UBXN1: variants seen among roughly 807,000 people sequenced by gnomAD.
The protein encoded by UBXN1 is UBX domain-containing protein 1.
A neutral mutation model predicts 42.0 loss-of-function variants in UBXN1; 21 were observed. The ratio of observed to expected loss-of-function variants is 0.50; its 90% CI spans 0.35 to 0.72. UBXN1 has a LOEUF of 0.72. UBXN1 is among the 30% of genes least tolerant of loss of function. The probability of loss-of-function intolerance (pLI) is 0.00; values close to 1 mark genes in which losing one functional copy is unlikely to be tolerated. For missense variants in UBXN1, 374 were observed against 382.2 expected, an observed-to-expected ratio of 0.98 and a Z score of 0.18; for synonymous variants, 172 against 142.6, an observed-to-expected ratio of 1.21 and a Z score of -1.47.
In UBXN1 at chr11:62,677,227, C is replaced by T. The variant is rs187182066; in HGVS notation, c.652-222G>A. The T allele has an allele frequency of 8.9e-4, 554 of 624,568 alleles. 4 individuals carry two copies. In the African/African-American group the frequency reaches 9.4e-3, roughly 11 times the overall value. 38.7% of individuals were successfully genotyped at this position (624,568 alleles called of 1,614,324 possible). On this transcript the variant is annotated intron_variant, in intron 7 of 8. Transcript: ENST00000301935. Reference sequence around the variant, plus strand: ...TAAGAAAGACAAGGATAAGATTATACAAAAGAATCTGGATAAATACCACAT... The same window carrying T: ...TAAGAAAGACAAGGATAAGATTATATAAAAGAATCTGGATAAATACCACAT...
chr11:62,678,068 T>A lies in UBXN1; in HGVS notation c.341A>T (p.Glu114Val). 1 of 1,614,114 alleles carries A rather than the reference T, an allele frequency of 6.2e-7. No individual in the cohort carries two copies. Among genetic ancestry groups the A allele is most frequent in the Non-Finnish European group, 8.5e-7 (1 of 1,180,018 alleles). ...CCGTTCCCGTTCCAATGCCTCCCGT[T>A]CCTCTCTTTCTTCACGCTCCCGCTG... ...QKQREREERE[E>V]REALERERQR... Residue 114 changes from glutamate to valine, a missense_variant, in exon 5 of 9, where the codon GAA (glutamate) becomes GTA (valine). Coordinates refer to ENST00000301935, the MANE Select transcript of UBXN1 (RefSeq NM_001286077.2).
At position 62,676,958 on chromosome 11, in the gene UBXN1, C is replaced by G. The variant is rs145809989; in HGVS notation, c.699G>C (p.Arg233=). The G allele has an allele frequency of 2.9e-4, 467 of 1,612,484 alleles. No individual in the cohort carries two copies. The highest frequency in any genetic ancestry group is 3.6e-4 in the Non-Finnish European group (430 of 1,180,020). Residue 233 remains arginine (R), a synonymous_variant, in exon 8 of 9, where the codon CGG becomes CGC. Transcript: ENST00000301935. ...AGAGCCTCACAGCTGCCAGCTGTTC[C>G]CGGGCCCGGAACGTCTGGGTCAGTG... ...GTSLTQTFRA[R]EQLAAVRLYV... is the part of the protein sequence containing the mutation.
Position 62,678,727 on chromosome 11 carries a change from G to C in UBXN1, c.76C>G (p.Leu26Val), listed in dbSNP as rs745377429. 1.2e-6 allele frequency: 2 copies of C among 1,613,180 alleles called. No individual in the cohort carries two copies. Among genetic ancestry groups the C allele is most frequent in the East Asian group, 4.5e-5 (2 of 44,866 alleles). Residue 26 changes from leucine (L) to valine (V), a missense_variant, in exon 2 of 9, where the codon CTC becomes GTC. Leu to Val is a conservative substitution (Grantham distance 32). Transcript: ENST00000301935. ...GCCTCGATGCCCTGGTTCCCTGTGAGGGCCAGAGCCTTCTCCCTGGGGGCA... is the reference window on the plus strand; with the variant it reads ...GCCTCGATGCCCTGGTTCCCTGTGACGGCCAGAGCCTTCTCCCTGGGGGCA... ...PRGRAEKALALTGNQGIEAAM... is the reference protein window; with the variant it reads ...PRGRAEKALAVTGNQGIEAAM...
At chr11:62,678,837 G>A (rs772196705) in intron 1 of UBXN1, 28 bp downstream of exon 1, 13 of 1,608,012 alleles carry the variant, frequency 8.1e-6, no homozygotes, top group Non-Finnish European at 1.1e-5. Flanking sequence ...CCCCACACCC[G>A]CAGGCCGGGG....
chr11:62,678,237 C>G, intron 4 of UBXN1, 102 bp downstream of exon 4: 1 of 1,604,270 alleles, frequency 6.2e-7, no homozygotes, highest in Non-Finnish European at 8.5e-7. Context: ...AAGAAAATGC[C>G]AAGAAAGAGG....
At position 62,676,949 on chromosome 11, in the gene UBXN1, C is replaced by T. The variant is rs1429884693; in HGVS notation, c.708G>A (p.Leu236=). Reference sequence around the variant, plus strand: ...GCTCCACATAGAGCCTCACAGCTGCCAGCTGTTCCCGGGCCCGGAACGTCT... The same window carrying T: ...GCTCCACATAGAGCCTCACAGCTGCTAGCTGTTCCCGGGCCCGGAACGTCT... The part of the protein sequence containing the change: ...LTQTFRAREQ[L]AAVRLYVELH... The change falls in exon 8 of 9, where the codon CTG becomes CTA. Residue 236 remains leucine, a synonymous_variant. Coordinates refer to ENST00000301935, the MANE Select transcript of UBXN1 (RefSeq NM_001286077.2). 6.2e-7 allele frequency: 1 copy of T among 1,612,886 alleles called. No individual in the cohort carries two copies. Among genetic ancestry groups the T allele is most frequent in the Non-Finnish European group, 8.5e-7 (1 of 1,180,038 alleles).
intron 7 of UBXN1, 77 bp downstream of exon 7, chr11:62,677,441 T>C (rs1945038169): frequency 6.9e-7 from 1 of 1,452,326 alleles, no homozygotes; most frequent in African/African-American, 1.4e-5. Flanking sequence ...GCACGTTAAC[T>C]GAAAAAAGCT....
rs766921095 is a variant in UBXN1, at chr11:62,676,817, C to G, written c.840G>C (p.Glu280Asp). The G allele has an allele frequency of 6.2e-7, 1 of 1,614,220 alleles. No homozygotes were observed. Among genetic ancestry groups the G allele is most frequent in the Admixed American group, 1.7e-5 (1 of 60,018 alleles). ...SEADMERPLQ[E>D]LGLVPSAVLI... ...TTTCTAGTCTTGCAGCCATACCCAG[C>G]TCCTGCAGAGGCCGCTCCATGTCAG... Residue 280 changes from glutamate to aspartate, a missense_variant, in exon 8 of 9, where the codon GAG (glutamate) becomes GAC (aspartate). Physicochemically the swap from Glu to Asp is conservative, Grantham distance 45. Coordinates refer to ENST00000301935, the MANE Select transcript of UBXN1 (RefSeq NM_001286077.2).
In UBXN1 at chr11:62,677,950, T is replaced by C; in HGVS notation, c.459A>G (p.Glu153=). 1 of 1,614,048 alleles carries C rather than the reference T, an allele frequency of 6.2e-7. No homozygotes were observed. Among genetic ancestry groups the C allele is most frequent in the South Asian group, 1.1e-5 (1 of 91,088 alleles). The change falls in exon 5 of 9, where the codon GAA becomes GAG. Residue 153 remains glutamate, a synonymous_variant. Transcript: ENST00000301935. ...MRRAAEERRR[E]KAEELAARQR... ...ACCTGGCTGCTAACTCCTCGGCCTT[T>C]TCCCTCCGCCTCTCCTCAGCAGCCC...
chr11:62,677,653 C>G lies in UBXN1; in HGVS notation c.535-19G>C. 1 of 1,611,656 alleles carries G rather than the reference C, an allele frequency of 6.2e-7. No individual in the cohort carries two copies. Among genetic ancestry groups the G allele is most frequent in the Non-Finnish European group, 8.5e-7 (1 of 1,178,846 alleles). On this transcript the variant is annotated intron_variant, in intron 6 of 8. Coordinates refer to ENST00000301935, the MANE Select transcript of UBXN1 (RefSeq NM_001286077.2). ...CACCATACTAAAGGGCAAAGTAAAA[C>G]AGTCAATCAGGTACTCACCCATCCT... is the stretch of plus-strand genomic sequence containing the variant.
chr11:62,678,425 G>A lies in UBXN1; in HGVS notation c.221-17C>T, dbSNP rs770391851. 1 of 1,613,970 alleles carries A rather than the reference G, an allele frequency of 6.2e-7. No homozygotes were observed. The highest frequency in any genetic ancestry group is 8.5e-7 in the Non-Finnish European group (1 of 1,179,960). On this transcript the variant is annotated splice_polypyrimidine_tract_variant and intron_variant, in intron 3 of 8. Transcript: ENST00000301935. ...AACCAGATCCTACAAACAAACAATC[G>A]GTATTATTATCCCTTCAGATTCTCC...
rs557002078 is a variant in UBXN1 at position 62,678,410 on chromosome 11, TACAA to T, written c.221-6_221-3del. Reference sequence around the variant, plus strand: ...CTTCTCCGGCAGCAGAACCAGATCCTACAAACAAACAATCGGTATTATTATCCCT... The same window carrying T: ...CTTCTCCGGCAGCAGAACCAGATCCTACAAACAATCGGTATTATTATCCCT... On this transcript the variant is annotated splice_region_variant and splice_polypyrimidine_tract_variant and intron_variant, in intron 3 of 8. Coordinates refer to ENST00000301935, the MANE Select transcript of UBXN1 (RefSeq NM_001286077.2). 3.7e-3 allele frequency: 6,019 copies of T among 1,614,102 alleles called. 24 individuals carry two copies. The highest frequency in any genetic ancestry group is 4.8e-3 in the Non-Finnish European group (5,633 of 1,179,996).
At position 62,678,962 on chromosome 11, in the gene UBXN1, G is replaced by T; in HGVS notation, c.-39C>A. The T allele has an allele frequency of 6.5e-7, 1 of 1,550,034 alleles. No individual in the cohort carries two copies. Among genetic ancestry groups the T allele is most frequent in the Non-Finnish European group, 8.7e-7 (1 of 1,151,168 alleles). On this transcript the variant is annotated 5_prime_UTR_variant, in exon 1 of 9. Transcript: ENST00000301935. ...CGGCTTCCGCGGGGACCTGGTGTGT[G>T]ACGAGAAGGAGGGCGGGAAGGGTCA... is the stretch of plus-strand genomic sequence containing the variant.
rs763243172 is a variant in UBXN1, at chr11:62,678,871, C to A, written c.53G>T (p.Gly18Val). ...GGTTGGGGAACTCCCTTACGCGCGTCCCCTGGGGAAGCCCATCTCGATGAG... is the reference window on the plus strand; with the variant it reads ...GGTTGGGGAACTCCCTTACGCGCGTACCCTGGGGAAGCCCATCTCGATGAG... The part of the protein sequence containing the change: ...ESLIEMGFPR[G>V]RAEKALALTG... Residue 18 changes from glycine to valine, a missense_variant, in exon 1 of 9, where the codon GGA becomes GTA. Physicochemically the swap from Gly to Val is moderately radical, Grantham distance 109. Transcript: ENST00000301935. 1.2e-6 allele frequency: 2 copies of A among 1,604,974 alleles called. No individual in the cohort carries two copies. Among genetic ancestry groups the A allele is most frequent in the Admixed American group, 1.7e-5 (1 of 59,242 alleles).
chr11:62,678,455 A>G, intron 3 of UBXN1, 40 bp downstream of exon 3: 1 of 1,613,754 alleles, frequency 6.2e-7, no homozygotes, highest in Non-Finnish European at 8.5e-7. Flanking sequence ...TTCTCCTCGG[A>G]CCCTCCTGAA....
rs757396813 is a variant in UBXN1, at chr11:62,678,475, C to A, written c.220+20G>T. 6.2e-7 allele frequency: 1 copy of A among 1,612,836 alleles called. No homozygotes were observed. On this transcript the variant is annotated intron_variant, in intron 3 of 8. Coordinates refer to ENST00000301935, the MANE Select transcript of UBXN1 (RefSeq NM_001286077.2). ...CTCGGACCCTCCTGAATAATCACAC[C>A]GTGGACCCTCAGTCAGGACCTTCAA... is the stretch of plus-strand genomic sequence containing the variant.
In UBXN1 at chr11:62,677,665, TACTC is replaced by T. The variant is rs760538900; in HGVS notation, c.535-35_535-32del. ...GGGCAAAGTAAAACAGTCAATCAGGTACTCACCCATCCTCAGGTGAAACAGATCA... is the reference window on the plus strand; with the variant it reads ...GGGCAAAGTAAAACAGTCAATCAGGTACCCATCCTCAGGTGAAACAGATCA... On this transcript the variant is annotated intron_variant, in intron 6 of 8. Coordinates refer to ENST00000301935, the MANE Select transcript of UBXN1 (RefSeq NM_001286077.2). 5 of 1,611,944 alleles carry T rather than the reference TACTC, an allele frequency of 3.1e-6. No homozygotes were observed. In the South Asian group the frequency reaches 5.5e-5, roughly 18 times the overall value.
rs1426407230 is a variant in UBXN1, at chr11:62,678,762, T to G, written c.60-19A>C. 1 of 1,609,066 alleles carries G rather than the reference T, an allele frequency of 6.2e-7. No individual in the cohort carries two copies. The highest frequency in any genetic ancestry group is 1.7e-5 in the Admixed American group (1 of 59,790). ...CTTCTCCCTGGGGGCAGAAACACCATGAATAGCGCCCACGAGCCATGGTGA... is the reference window on the plus strand; with the variant it reads ...CTTCTCCCTGGGGGCAGAAACACCAGGAATAGCGCCCACGAGCCATGGTGA... On this transcript the variant is annotated intron_variant, in intron 1 of 8. Coordinates refer to ENST00000301935, the MANE Select transcript of UBXN1 (RefSeq NM_001286077.2).
rs1453843558 is a variant in UBXN1, at chr11:62,678,349, G to C, written c.280C>G (p.Gln94Glu). The C allele has an allele frequency of 1.2e-6, 2 of 1,614,184 alleles. No individual in the cohort carries two copies. The highest frequency in any genetic ancestry group is 8.5e-7 in the Non-Finnish European group (1 of 1,180,036). Residue 94 changes from glutamine (Q) to glutamate (E), a missense_variant, in exon 4 of 9, where the codon CAA becomes GAA. Coordinates refer to ENST00000301935, the MANE Select transcript of UBXN1 (RefSeq NM_001286077.2). ...PALSEEERQE[Q>E]TKRMLELVAQ... ...TTGTTGTTACTGTACCTCTTAGTTT[G>C]TTCCTGTCTTTCCTCTTCACTCAAA...
Sources: allele counts gnomAD v4.1 joint callset, GRCh38; gene constraint gnomAD v4.1.1; transcripts MANE v1.5; gene names NCBI Gene and HGNC (gene_info 2026-07-23, HGNC 2026-07-21).